Variants in KCNIP4 observed in about 807,000 individuals in gnomAD.
KCNIP4 encodes potassium voltage-gated channel interacting protein 4.
A neutral mutation model predicts 34.0 loss-of-function variants in KCNIP4; 12 were observed. That is an observed-to-expected ratio of 0.35 (90% CI 0.23 to 0.57). KCNIP4 has a LOEUF of 0.57. Ranked by LOEUF, KCNIP4 falls within the 20% of genes least tolerant of loss-of-function variation. KCNIP4 has a pLI of 0.83. For synonymous variants in KCNIP4, 124 were observed against 102.2 expected (o/e 1.21, Z -1.29); for missense variants, 238 against 311.7 (o/e 0.76, Z 1.78).
intron 1 of KCNIP4, among the ~76,000 whole-genome samples, chr4:21,602,139 T>A (rs1209418261): frequency 6.6e-6 from 1 of 152,162 alleles, no homozygotes; most frequent in African/African-American, 2.4e-5. Context: ...ACTGACTACT[T>A]GCTAGGCTCT....
At chr4:20,854,130 C>G (rs1721329542) in intron 2 of KCNIP4, among the ~76,000 whole-genome samples, 1 of 152,164 alleles carries the variant, frequency 6.6e-6, no homozygotes, top group African/African-American at 2.4e-5. Context: ...TCTAGCAATC[C>G]TGCTACTGAG....
intron 1 of KCNIP4, among the ~76,000 whole-genome samples, chr4:21,011,201 A>C (rs1038987607): frequency 1.3e-5 from 2 of 152,206 alleles, no homozygotes; most frequent in Admixed American, 6.5e-5. Flanking sequence ...GCCCCACAAC[A>C]TGATTCTTAC....
chr4:20,961,359 T>A (rs774237952), intron 1 of KCNIP4, among the ~76,000 whole-genome samples: 4 of 152,154 alleles, frequency 2.6e-5, no homozygotes, highest in Non-Finnish European at 5.9e-5. Context: ...CTATCACAGA[T>A]CATGCCTCTG....
chr4:21,084,869 A>T (rs1207073085), intron 1 of KCNIP4, among the ~76,000 whole-genome samples: 1 of 151,678 alleles, frequency 6.6e-6, no homozygotes, highest in East Asian at 1.9e-4. Flanking sequence ...TACTAAATGC[A>T]TGAATACATA....
At chr4:20,790,124 T>C (rs751588403) in intron 3 of KCNIP4, among the ~76,000 whole-genome samples, 13 of 152,190 alleles carry the variant, frequency 8.5e-5, no homozygotes, top group Non-Finnish European at 1.9e-4. Flanking sequence ...AAACTTGTAC[T>C]GCATGTAACT....
chr4:21,645,479 G>A (rs1310569553), intron 1 of KCNIP4, among the ~76,000 whole-genome samples: 1 of 152,160 alleles, frequency 6.6e-6, no homozygotes, highest in Admixed American at 6.5e-5. Flanking sequence ...CCTAAGCAAT[G>A]AGTATCTGAA....
chr4:21,785,567 G>T (rs904720526), intron 1 of KCNIP4, among the ~76,000 whole-genome samples: 1 of 142,452 alleles, frequency 7.0e-6, no homozygotes, highest in African/African-American at 3.0e-5. Context: ...ACTCCAGCCT[G>T]GGTCAAAGAG....
intron 1 of KCNIP4, among the ~76,000 whole-genome samples, chr4:21,103,710 A>G (rs1024415141): frequency 2.0e-5 from 3 of 148,868 alleles, no homozygotes; most frequent in African/African-American, 7.4e-5. Flanking sequence ...CATTAGGTAT[A>G]TCTCCTAATG....
At chr4:21,249,406 A>G (rs902661919) in intron 1 of KCNIP4, among the ~76,000 whole-genome samples, 3 of 152,098 alleles carry the variant, frequency 2.0e-5, no homozygotes, top group East Asian at 1.9e-4. Context: ...AAGCGATGGT[A>G]TGTATGTATT....
At chr4:21,172,512 C>T in intron 1 of KCNIP4, among the ~76,000 whole-genome samples, 1 of 152,120 alleles carries the variant, frequency 6.6e-6, no homozygotes, top group South Asian at 2.1e-4. Flanking sequence ...AAACTTGTGT[C>T]TTTATTGCTA....
At chr4:21,013,209 G>A (rs1739216727) in intron 1 of KCNIP4, among the ~76,000 whole-genome samples, 1 of 152,178 alleles carries the variant, frequency 6.6e-6, no homozygotes, top group Non-Finnish European at 1.5e-5. Context: ...GTAGGGCTAT[G>A]AGGAGACCAC....
In KCNIP4 at chr4:21,132,728, G is replaced by A. The variant is rs113775099; in HGVS notation, c.62-250019C>T. Reference sequence around the variant, plus strand: ...CATGTTAGAATAAGAAATTTTTGCGGCCAGGCACGGTGGCTCACGCCTGTA... The same window carrying A: ...CATGTTAGAATAAGAAATTTTTGCGACCAGGCACGGTGGCTCACGCCTGTA... On this transcript the variant is annotated intron_variant, in intron 1 of 8. Transcript: ENST00000382152. Among the ~76,000 whole-genome samples, 2 of 152,068 alleles carry A rather than the reference G, an allele frequency of 1.3e-5. 1 individual carries two copies. Among genetic ancestry groups the A allele is most frequent in the African/African-American group, 4.8e-5 (2 of 41,490 alleles).
At chr4:20,843,814 G>C (rs1305441887) in intron 3 of KCNIP4, among the ~76,000 whole-genome samples, 1 of 152,212 alleles carries the variant, frequency 6.6e-6, no homozygotes, top group Non-Finnish European at 1.5e-5. Flanking sequence ...ATATTAGATT[G>C]ATGCAAAAGT....
intron 1 of KCNIP4, among the ~76,000 whole-genome samples, chr4:21,429,025 T>C (rs1726183437): frequency 6.6e-6 from 1 of 152,200 alleles, no homozygotes; most frequent in South Asian, 2.1e-4. Context: ...TCATGCTTGA[T>C]ACTCTACATT....
intron 1 of KCNIP4, among the ~76,000 whole-genome samples, chr4:21,943,699 G>A (rs1488922823): frequency 6.6e-6 from 1 of 152,140 alleles, no homozygotes. Context: ...AGTAATGGAG[G>A]GGGGCATTAA....
chr4:20,968,891 C>T (rs62293761), intron 1 of KCNIP4, among the ~76,000 whole-genome samples: 10,491 of 151,836 alleles, frequency 0.069, 465 homozygotes, highest in East Asian at 0.16. Context: ...CAAACCTGCA[C>T]GTTGTACACA....
chr4:21,763,397 G>T (rs572114668), intron 1 of KCNIP4, among the ~76,000 whole-genome samples: 2 of 152,118 alleles, frequency 1.3e-5, no homozygotes, highest in Non-Finnish European at 2.9e-5. Context: ...CATAATGAAG[G>T]TTTAATCATT....
chr4:21,903,488 G>A (rs1727820610), intron 1 of KCNIP4, among the ~76,000 whole-genome samples: 1 of 152,048 alleles, frequency 6.6e-6, no homozygotes, highest in Non-Finnish European at 1.5e-5. Flanking sequence ...AATATTAATT[G>A]GTCTTTCAAA....
chr4:21,893,757 T>C (rs1727232480), intron 1 of KCNIP4, among the ~76,000 whole-genome samples: 1 of 152,188 alleles, frequency 6.6e-6, no homozygotes, highest in Non-Finnish European at 1.5e-5. Flanking sequence ...AGCCCAGTTG[T>C]GGAGATGCAG....
Sources: gnomAD v4.1 joint callset for allele counts (sites outside exome capture counted in the v4.1 genomes callset) on GRCh38, gnomAD v4.1.1 for gene constraint, MANE v1.5 for transcripts, NCBI Gene and HGNC (gene_info 2026-07-23, HGNC 2026-07-21) for gene names.